NAA60: variants seen among roughly 807,000 people sequenced by gnomAD.
NAA60 encodes the protein N-alpha-acetyltransferase 60.
Under a neutral mutation model 26.1 loss-of-function variants are expected in NAA60, and 8 were observed. That is an observed-to-expected ratio of 0.31 (90% CI 0.18 to 0.55). The LOEUF (loss-of-function observed/expected upper bound fraction) is 0.55, where lower values mean the gene tolerates loss of function less well. Among genes scored for constraint, NAA60 ranks in the 20% least tolerant of loss-of-function variants. The pLI is 0.93. For missense variants in NAA60, 290 were observed against 311.3 expected (o/e 0.93, Z 0.51); for synonymous variants, 131 against 122.5 (o/e 1.07, Z -0.46).
rs921990099 is a variant in NAA60, at chr16:3,482,674, C to T, written c.337+76C>T. 4.8e-6 allele frequency: 5 copies of T among 1,049,566 alleles called. No individual in the cohort carries two copies. In the African/African-American group the frequency reaches 7.9e-5, roughly 17 times the overall value. 65.0% of individuals were successfully genotyped at this position (1,049,566 alleles called of 1,614,324 possible). A position where few individuals can be genotyped will look rare whatever the true frequency, so the allele number is the denominator to read the frequency against. ...ACCCCACCCCCATCCCATCTGCACC[C>T]AGTCTCTTCCCTGGCCCCAACAACT... On this transcript the variant is annotated intron_variant, in intron 5 of 7. Transcript: ENST00000407558.
At chr16:3,461,534 G>C (rs2035394973) in intron 2 of NAA60, among the ~76,000 whole-genome samples, 1 of 152,158 alleles carries the variant, frequency 6.6e-6, no homozygotes, top group Non-Finnish European at 1.5e-5. Flanking sequence ...CTATGAGTGC[G>C]ACAGCTTAGA....
intron 2 of NAA60, 84 bp downstream of exon 2, chr16:3,448,624 C>T (rs979728939): frequency 1.5e-5 from 17 of 1,142,108 alleles, no homozygotes; most frequent in Non-Finnish European, 1.9e-5. Flanking sequence ...CATTTTTGAC[C>T]TGTCAAGTAT....
At chr16:3,466,264 G>A (rs2035754727) in intron 2 of NAA60, among the ~76,000 whole-genome samples, 1 of 152,222 alleles carries the variant, frequency 6.6e-6, no homozygotes, top group South Asian at 2.1e-4. Context: ...CCACTCTGCG[G>A]GCTCCCCTCG....
intron 2 of NAA60, among the ~76,000 whole-genome samples, chr16:3,473,043 A>G (rs951451592): frequency 6.6e-5 from 10 of 150,692 alleles, no homozygotes; most frequent in African/African-American, 2.2e-4. Flanking sequence ...GTTTCGTTTC[A>G]TTTCGTTTTT....
At chr16:3,481,620 C>G (rs1168027448) in intron 4 of NAA60, among the ~76,000 whole-genome samples, 1 of 152,182 alleles carries the variant, frequency 6.6e-6, no homozygotes, top group Non-Finnish European at 1.5e-5. Flanking sequence ...CTGGCCTGCA[C>G]GCTGGCACTC....
chr16:3,464,474 C>A (rs1445363421), intron 2 of NAA60, among the ~76,000 whole-genome samples: 1 of 152,158 alleles, frequency 6.6e-6, no homozygotes, highest in Non-Finnish European at 1.5e-5. Flanking sequence ...TGAAACCCGA[C>A]CCTCTCTTGC....
At chr16:3,476,925 T>C (rs1210103518) in intron 3 of NAA60, among the ~76,000 whole-genome samples, 4 of 152,108 alleles carry the variant, frequency 2.6e-5, no homozygotes, top group South Asian at 2.1e-4. Flanking sequence ...CCTGTAATCC[T>C]AGCTACTTGG....
intron 1 of NAA60, among the ~76,000 whole-genome samples, chr16:3,445,189 A>G (rs2034499040): frequency 6.6e-6 from 1 of 151,980 alleles, no homozygotes; most frequent in Non-Finnish European, 1.5e-5. Context: ...TAGCCTGTAT[A>G]TGAAGGTGTA....
intron 3 of NAA60, 34 bp downstream of exon 3, chr16:3,476,371 C>T (rs759154686): frequency 1.0e-5 from 16 of 1,577,842 alleles, no homozygotes; most frequent in Non-Finnish European, 1.4e-5. Context: ...TGGGGAGAGC[C>T]CGTGAGCCTC....
intron 2 of NAA60, chr16:3,457,916 CAACCT>C: frequency 4.9e-6 from 2 of 406,382 alleles, no homozygotes; most frequent in Non-Finnish European, 5.6e-6. Context: ...TGCCCGCTCC[CAACCT>C]GCCCGCTCCC....
intron 6 of NAA60, 41 bp from the exon 7 acceptor site, chr16:3,484,658 G>A (rs568465759): frequency 6.4e-6 from 10 of 1,559,776 alleles, no homozygotes; most frequent in African/African-American, 4.1e-5. Context: ...CCTGGCGAGC[G>A]TGGTCAGGGC....
chr16:3,451,620 G>T (rs1353119175), intron 2 of NAA60, among the ~76,000 whole-genome samples: 1 of 152,142 alleles, frequency 6.6e-6, no homozygotes, highest in Non-Finnish European at 1.5e-5. Context: ...TTGCAGAAAG[G>T]TAAAGAATAA....
chr16:3,479,456 T>A lies in NAA60; in HGVS notation c.111-15T>A. The A allele has an allele frequency of 6.2e-7, 1 of 1,613,360 alleles. No homozygotes were observed. The highest frequency in any genetic ancestry group is 8.5e-7 in the Non-Finnish European group (1 of 1,179,458). On this transcript the variant is annotated splice_polypyrimidine_tract_variant and intron_variant, in intron 3 of 7. Coordinates refer to ENST00000407558, the MANE Select transcript of NAA60 (RefSeq NM_001083601.3). ...GACCTGTGGCAGGTTCACCTGAGTA[T>A]GTTCTGTTTCTCAGGTACCCAGACT...
chr16:3,481,859 G>A (rs1044597092), intron 4 of NAA60, among the ~76,000 whole-genome samples: 3 of 152,314 alleles, frequency 2.0e-5, no homozygotes, highest in Non-Finnish European at 4.4e-5. Flanking sequence ...GCACGTGGGA[G>A]CAGAAAGGCC....
intron 1 of NAA60, among the ~76,000 whole-genome samples, chr16:3,445,274 CTCTTTTT>C (rs2034503642): frequency 8.0e-6 from 1 of 125,530 alleles, no homozygotes; most frequent in Admixed American, 7.9e-5. Context: ...TTGTGCTTAT[CTCTTTTT>C]TTTTTTTTTT....
At chr16:3,472,701 G>A (rs1297629181) in intron 2 of NAA60, among the ~76,000 whole-genome samples, 6 of 152,182 alleles carry the variant, frequency 3.9e-5, no homozygotes, top group Admixed American at 3.9e-4. Flanking sequence ...CCAAAGTGCT[G>A]GGATTACAGG....
rs184957256 is a variant in NAA60 at position 3,480,068 on chromosome 16, C to T, written c.240+468C>T. ...AAGATCTAAGAACCCTTTGGGCATC[C>T]GTGGACCCACCTCAGTCTCACTTCA... is the stretch of plus-strand genomic sequence containing the variant. On this transcript the variant is annotated intron_variant, in intron 4 of 7. Transcript: ENST00000407558. Among the ~76,000 whole-genome samples, 42 of 152,238 alleles carry T rather than the reference C, an allele frequency of 2.8e-4. 1 individual carries two copies. Among genetic ancestry groups the T allele is most frequent in the Admixed American group, 2.1e-3 (32 of 15,284 alleles).
rs2037106729 is a variant in NAA60 at position 3,485,497 on chromosome 16, A to T, written c.*237A>T. On this transcript the variant is annotated 3_prime_UTR_variant, in exon 8 of 8. Transcript: ENST00000407558. ...TCAGCTCCCCTCCCTGCTTCTGGAA[A>T]CCTCTGCCTGCTGCCCTGGCCCTGC... 2.2e-6 allele frequency: 1 copy of T among 455,592 alleles called. No homozygotes were observed. The highest frequency in any genetic ancestry group is 3.3e-4 in the Middle Eastern group (1 of 3,072). The allele number at this position is 455,592 out of a possible 1,614,324, so 28.2% of individuals were successfully genotyped here. A position where few individuals can be genotyped will look rare whatever the true frequency, so the allele number is the denominator to read the frequency against.
At chr16:3,484,494 A>ACCCCAC (rs2037049839) in intron 6 of NAA60, 1 of 641,350 alleles carries the variant, frequency 1.6e-6, no homozygotes, top group Admixed American at 2.9e-5. Context: ...CTGTCCCCAG[A>ACCCCAC]CCCCACCCTC....
Sources: gnomAD v4.1 joint callset for allele counts (sites outside exome capture counted in the v4.1 genomes callset) on GRCh38, gnomAD v4.1.1 for gene constraint, MANE v1.5 for transcripts, NCBI Gene and HGNC (gene_info 2026-07-23, HGNC 2026-07-21) for gene names.